Variants in LIMS1 observed in about 807,000 individuals in gnomAD.
The protein encoded by LIMS1 is LIM zinc finger domain containing 1.
A neutral mutation model predicts 44.1 loss-of-function variants in LIMS1; 18 were observed. That is an observed-to-expected ratio of 0.41 (90% CI 0.28 to 0.61). LIMS1 has a LOEUF of 0.61. Ranked by LOEUF, LIMS1 falls within the 20% of genes least tolerant of loss-of-function variation. The pLI is 0.32. For missense variants in LIMS1, 201 were observed against 422.0 expected (o/e 0.48, Z 4.59); for synonymous variants, 93 against 149.1 (o/e 0.62, Z 2.74).
At chr2:108,605,449 T>C (rs1687221187) in intron 1 of LIMS1, among the ~76,000 whole-genome samples, 1 of 152,198 alleles carries the variant, frequency 6.6e-6, no homozygotes. Context: ...TGTGTCAAGC[T>C]AAAGAGCTCA....
At chr2:108,629,508 A>G (rs1374277381) in intron 1 of LIMS1, among the ~76,000 whole-genome samples, 1 of 152,234 alleles carries the variant, frequency 6.6e-6, no homozygotes, top group Non-Finnish European at 1.5e-5. Flanking sequence ...AACAGATGAA[A>G]AAATGCAAGT....
At chr2:108,644,279 G>A (rs1689914346) in intron 1 of LIMS1, among the ~76,000 whole-genome samples, 1 of 152,118 alleles carries the variant, frequency 6.6e-6, no homozygotes, top group Admixed American at 6.6e-5. Context: ...CATCTGGTGG[G>A]TGCCCCTCTG....
intron 2 of LIMS1, among the ~76,000 whole-genome samples, chr2:108,667,614 C>G (rs1691870058): frequency 6.8e-6 from 1 of 146,572 alleles, no homozygotes; most frequent in African/African-American, 2.5e-5. Context: ...ATACATCTTT[C>G]TCTTTCATTT....
intron 1 of LIMS1, among the ~76,000 whole-genome samples, chr2:108,651,492 C>A (rs1164413920): frequency 1.1e-4 from 17 of 152,290 alleles, no homozygotes; most frequent in Non-Finnish European, 2.5e-4. Context: ...GAGCCACAAA[C>A]CTGTTTTACA....
chr2:108,603,849 T>C (rs1382773796), intron 1 of LIMS1, among the ~76,000 whole-genome samples: 2 of 152,170 alleles, frequency 1.3e-5, no homozygotes, highest in Non-Finnish European at 2.9e-5. Flanking sequence ...TTGAACTTTA[T>C]TATTTCTTTT....
intron 1 of LIMS1, among the ~76,000 whole-genome samples, chr2:108,548,894 A>G (rs981209854): frequency 3.9e-5 from 6 of 152,350 alleles, no homozygotes; most frequent in Middle Eastern, 3.4e-3. Context: ...TTGCACTGTC[A>G]TGCTTTCCAG....
intron 1 of LIMS1, among the ~76,000 whole-genome samples, chr2:108,635,203 G>T (rs1440504492): frequency 6.6e-6 from 1 of 152,116 alleles, no homozygotes; most frequent in Non-Finnish European, 1.5e-5. Context: ...GGCCCAGGCG[G>T]GTGGATCACC....
At chr2:108,650,883 G>A (rs916160665) in intron 1 of LIMS1, among the ~76,000 whole-genome samples, 2 of 150,346 alleles carry the variant, frequency 1.3e-5, no homozygotes, top group African/African-American at 4.9e-5. Flanking sequence ...CATTCATTCA[G>A]CAGATTGTAG....
chr2:108,681,447 A>G (rs771465916), intron 9 of LIMS1: 2 of 973,878 alleles, frequency 2.1e-6, no homozygotes, highest in Non-Finnish European at 1.2e-6. Flanking sequence ...TAATGGATTT[A>G]AAGGGAAGAA....
At chr2:108,549,005 A>G (rs1288856824) in intron 1 of LIMS1, among the ~76,000 whole-genome samples, 1 of 152,216 alleles carries the variant, frequency 6.6e-6, no homozygotes, top group Non-Finnish European at 1.5e-5. Flanking sequence ...CTTTCTAAGA[A>G]TATAGCACTT....
chr2:108,554,375 C>T (rs556626492), intron 1 of LIMS1, among the ~76,000 whole-genome samples: 1 of 152,290 alleles, frequency 6.6e-6, no homozygotes, highest in Admixed American at 6.5e-5. Context: ...ACACTCTATT[C>T]CCGAGGAGTG....
At chr2:108,649,882 G>A (rs377461961) in intron 1 of LIMS1, among the ~76,000 whole-genome samples, 2 of 152,040 alleles carry the variant, frequency 1.3e-5, no homozygotes, top group South Asian at 4.2e-4. Context: ...CAGGTTGATG[G>A]GTGCAGCAAA....
At chr2:108,562,238 A>C (rs548228735) in intron 1 of LIMS1, among the ~76,000 whole-genome samples, 1 of 152,208 alleles carries the variant, frequency 6.6e-6, no homozygotes, top group Non-Finnish European at 1.5e-5. Flanking sequence ...AATTAGACCA[A>C]TTAATAACCC....
chr2:108,613,566 C>T (rs1406221571), intron 1 of LIMS1, among the ~76,000 whole-genome samples: 2 of 152,124 alleles, frequency 1.3e-5, no homozygotes, highest in Non-Finnish European at 2.9e-5. Flanking sequence ...CTAGCTCAAG[C>T]TGCTGTCTGT....
At chr2:108,584,229 T>C (rs1686006038) in intron 1 of LIMS1, among the ~76,000 whole-genome samples, 1 of 152,218 alleles carries the variant, frequency 6.6e-6, no homozygotes, top group Non-Finnish European at 1.5e-5. Flanking sequence ...CTGTGCACTG[T>C]GTAACACTTT....
exon 10 of LIMS1, chr2:108,684,988 A>T (rs1479015375): frequency 6.6e-6 from 1 of 152,184 alleles, no homozygotes; most frequent in Non-Finnish European, 1.5e-5. Flanking sequence ...ATCTCACAGA[A>T]TACCAACTAA....
chr2:108,599,614 A>G (rs1043549807), intron 1 of LIMS1, among the ~76,000 whole-genome samples: 1 of 152,196 alleles, frequency 6.6e-6, no homozygotes. Flanking sequence ...TGTTCTTCAC[A>G]GTGATTGTAC....
At chr2:108,642,335 GTTTTTTGTTTTTTT>G (rs1689728849) in intron 1 of LIMS1, among the ~76,000 whole-genome samples, 23 of 34,154 alleles carry the variant, frequency 6.7e-4, no homozygotes, top group African/African-American at 2.1e-3. Context: ...AGCTACTAGT[GTTTTTTGTTTTTTT>G]TTTTTTTTGT....
intron 1 of LIMS1, among the ~76,000 whole-genome samples, chr2:108,561,896 C>T (rs1685137840): frequency 2.6e-5 from 4 of 152,004 alleles, no homozygotes; most frequent in Admixed American, 1.3e-4. Flanking sequence ...GCTCATGCCA[C>T]CATGCCCAGC....
Sources: gnomAD v4.1 joint callset for allele counts (sites outside exome capture counted in the v4.1 genomes callset) on GRCh38, gnomAD v4.1.1 for gene constraint, MANE v1.5 for transcripts, NCBI Gene and HGNC (gene_info 2026-07-23, HGNC 2026-07-21) for gene names.